Variants in SLC16A7 observed in about 807,000 individuals in gnomAD.
The protein encoded by SLC16A7 is solute carrier family 16 member 7.
Under a neutral mutation model 34.9 loss-of-function variants are expected in SLC16A7, and 33 were observed. The ratio of observed to expected loss-of-function variants is 0.94; its 90% CI spans 0.72 to 1.26. The LOEUF (loss-of-function observed/expected upper bound fraction) is 1.26. Among genes scored for constraint, SLC16A7 ranks in the 50% most tolerant of loss-of-function variants. SLC16A7 has a pLI of 0.00. For missense variants in SLC16A7, 573 were observed against 578.1 expected, an observed-to-expected ratio of 0.99 and a Z score of 0.09; for synonymous variants, 201 against 206.6, an observed-to-expected ratio of 0.97 and a Z score of 0.23.
chr12:59,671,669 T>C (rs1299720914), intron 2 of SLC16A7, among the ~76,000 whole-genome samples: 2 of 140,248 alleles, frequency 1.4e-5, no homozygotes, highest in East Asian at 5.3e-4. Flanking sequence ...TCTCTCTCTC[T>C]CTCTCTCTCT....
At chr12:59,634,748 T>C (rs1880340183) in intron 1 of SLC16A7, among the ~76,000 whole-genome samples, 1 of 152,072 alleles carries the variant, frequency 6.6e-6, no homozygotes, top group Non-Finnish European at 1.5e-5. Context: ...CTTAAGAGTC[T>C]GAATAAAGTT....
chr12:59,685,573 G>A (rs996323120), intron 2 of SLC16A7, among the ~76,000 whole-genome samples: 13 of 152,078 alleles, frequency 8.5e-5, no homozygotes, highest in Non-Finnish European at 1.5e-4. Context: ...TATTGATCAT[G>A]ATATTTTTAT....
chr12:59,711,900 G>T (rs1035327756), intron 3 of SLC16A7, among the ~76,000 whole-genome samples: 1 of 152,168 alleles, frequency 6.6e-6, no homozygotes, highest in Non-Finnish European at 1.5e-5. Context: ...ATGTAATTGT[G>T]CAATGAGAAG....
In SLC16A7 at chr12:59,615,047, G is replaced by A. The variant is rs1879385269; in HGVS notation, c.-130+18811G>A. Among the ~76,000 whole-genome samples the A allele has an allele frequency of 2.6e-5, 4 of 151,264 alleles. No homozygotes were observed. In the South Asian group the frequency reaches 8.4e-4, roughly 32 times the overall value. ...ATAAATAAATAAATAAATAAAAGAG[G>A]CTCCGTGCAGCATTTGGGCCTCTTG... On this transcript the variant is annotated intron_variant, in intron 1 of 5. Coordinates refer to ENST00000547379, the MANE Select transcript of SLC16A7 (RefSeq NM_001270623.2).
chr12:59,714,468 T>C (rs922399675), intron 3 of SLC16A7, among the ~76,000 whole-genome samples: 17 of 152,152 alleles, frequency 1.1e-4, no homozygotes, highest in African/African-American at 4.1e-4. Flanking sequence ...GGGGCCTCTC[T>C]CTTCGGCTTG....
chr12:59,710,651 T>A, intron 3 of SLC16A7, among the ~76,000 whole-genome samples: 1 of 152,312 alleles, frequency 6.6e-6, no homozygotes, highest in East Asian at 1.9e-4. Flanking sequence ...CACTTACTGA[T>A]GTATAAAAAG....
intron 3 of SLC16A7, among the ~76,000 whole-genome samples, chr12:59,757,387 G>A (rs551912229): frequency 8.2e-4 from 125 of 152,138 alleles, no homozygotes; most frequent in Non-Finnish European, 1.3e-3. Context: ...ATGTATCCCA[G>A]AACTTTAATA....
At chr12:59,706,789 T>C (rs916534992) in intron 3 of SLC16A7, among the ~76,000 whole-genome samples, 3 of 152,120 alleles carry the variant, frequency 2.0e-5, no homozygotes, top group African/African-American at 7.2e-5. Context: ...TTAAATACAA[T>C]TGAAACAGTC....
intron 1 of SLC16A7, among the ~76,000 whole-genome samples, chr12:59,638,551 C>A (rs1880538021): frequency 1.3e-5 from 2 of 152,120 alleles, no homozygotes; most frequent in South Asian, 4.1e-4. Context: ...ACAAGTAATT[C>A]TTATATCTCT....
At chr12:59,751,258 C>A (rs544797381) in intron 3 of SLC16A7, among the ~76,000 whole-genome samples, 1 of 152,316 alleles carries the variant, frequency 6.6e-6, no homozygotes, top group South Asian at 2.1e-4. Flanking sequence ...GGGCTCAGGA[C>A]AGTGGGTGCA....
chr12:59,668,767 G>T (rs1453945756), intron 2 of SLC16A7, among the ~76,000 whole-genome samples: 1 of 152,172 alleles, frequency 6.6e-6, no homozygotes. Context: ...GATATAGTTA[G>T]CCTTTGGTCC....
chr12:59,764,618 C>T (rs1425501820), intron 3 of SLC16A7, among the ~76,000 whole-genome samples: 5 of 151,534 alleles, frequency 3.3e-5, no homozygotes, highest in Non-Finnish European at 7.4e-5. Flanking sequence ...TTGCTGAGAA[C>T]GATGGTTTCC....
At chr12:59,727,965 A>G (rs572888226) in intron 3 of SLC16A7, among the ~76,000 whole-genome samples, 2 of 152,326 alleles carry the variant, frequency 1.3e-5, no homozygotes, top group Admixed American at 6.5e-5. Context: ...TGATGTCACT[A>G]TGAAAGATGA....
In SLC16A7 at chr12:59,745,258, T is replaced by G. The variant is rs189828343; in HGVS notation, c.218-25961T>G. ...CCCTCAAAGCCCTAACCAAGTCTAT[T>G]CTCGCATTTTATTCACTCAAATGAG... On this transcript the variant is annotated intron_variant, in intron 3 of 5. Coordinates refer to ENST00000547379, the MANE Select transcript of SLC16A7 (RefSeq NM_001270623.2). Among the ~76,000 whole-genome samples the G allele has an allele frequency of 1.2e-3, 176 of 152,318 alleles. 4 individuals are homozygous for G. The East Asian group carries it at 0.023, about 20-fold the overall frequency.
chr12:59,666,951 G>C (rs1386949835), intron 2 of SLC16A7, among the ~76,000 whole-genome samples: 1 of 152,114 alleles, frequency 6.6e-6, no homozygotes, highest in Non-Finnish European at 1.5e-5. Flanking sequence ...AGACATTCCA[G>C]AGACTGGGAA....
At chr12:59,755,954 A>G (rs182898932) in intron 3 of SLC16A7, among the ~76,000 whole-genome samples, 1 of 152,196 alleles carries the variant, frequency 6.6e-6, no homozygotes, top group African/African-American at 2.4e-5. Flanking sequence ...ATAACGCTGC[A>G]TATCTACAAC....
chr12:59,609,424 T>C (rs956879151), intron 1 of SLC16A7, among the ~76,000 whole-genome samples: 1 of 152,026 alleles, frequency 6.6e-6, no homozygotes, highest in African/African-American at 2.4e-5. Context: ...TTCTTTGGCA[T>C]ATCTGGACTT....
chr12:59,670,186 A>G (rs1178194345), intron 2 of SLC16A7, among the ~76,000 whole-genome samples: 2 of 152,196 alleles, frequency 1.3e-5, no homozygotes, highest in Non-Finnish European at 2.9e-5. Context: ...GTATCTTCAA[A>G]TGACATTTTC....
Position 59,774,807 on chromosome 12 carries a change from C to G in SLC16A7, c.512C>G (p.Thr171Ser). ...CCTTTCAATCAGTACCTTTTTAATACTTTTGGCTGGAAAGGAAGCTTCCTG... is the reference window on the plus strand; with the variant it reads ...CCTTTCAATCAGTACCTTTTTAATAGTTTTGGCTGGAAAGGAAGCTTCCTG... ...LAPFNQYLFNTFGWKGSFLIL... is the reference protein window; with the variant it reads ...LAPFNQYLFNSFGWKGSFLIL... The change falls in exon 5 of 6, where the codon ACT (threonine) becomes AGT (serine). Residue 171 changes from threonine to serine, a missense_variant. Transcript: ENST00000547379. The G allele has an allele frequency of 6.2e-7, 1 of 1,613,906 alleles. No individual in the cohort carries two copies. Among genetic ancestry groups the G allele is most frequent in the African/African-American group, 1.3e-5 (1 of 75,022 alleles).
Sources: gnomAD v4.1 joint callset for allele counts (sites outside exome capture counted in the v4.1 genomes callset) on GRCh38, gnomAD v4.1.1 for gene constraint, MANE v1.5 for transcripts, NCBI Gene and HGNC (gene_info 2026-07-23, HGNC 2026-07-21) for gene names.